ARHGEF37: variants seen among roughly 807,000 people sequenced by gnomAD.
ARHGEF37 encodes Rho guanine nucleotide exchange factor (GEF) 37.
A neutral mutation model predicts 71.1 loss-of-function variants in ARHGEF37; 55 were observed. That is an observed-to-expected ratio of 0.77 (90% CI 0.62 to 0.97). ARHGEF37 has a LOEUF of 0.97. Among genes scored for constraint, ARHGEF37 ranks in the 50% least tolerant of loss-of-function variants. ARHGEF37 has a pLI of 0.00. For synonymous variants in ARHGEF37, 327 were observed against 350.6 expected (o/e 0.93, Z 0.75); for missense variants, 765 against 836.8 (o/e 0.91, Z 1.06).
chr5:149,631,311 C>T (rs184576097), intron 12 of ARHGEF37, among the ~76,000 whole-genome samples: 4 of 151,930 alleles, frequency 2.6e-5, no homozygotes, highest in African/African-American at 9.7e-5. Flanking sequence ...GCTGGGATTA[C>T]AGGTGTGCGC....
intron 4 of ARHGEF37, among the ~76,000 whole-genome samples, chr5:149,614,861 G>A (rs1752330330): frequency 6.6e-6 from 1 of 152,194 alleles, no homozygotes. Flanking sequence ...AGAGGCACGA[G>A]TATCATCAGG....
At chr5:149,555,477 T>A (rs1421293426) in intron 1 of ARHGEF37, among the ~76,000 whole-genome samples, 1 of 151,860 alleles carries the variant, frequency 6.6e-6, no homozygotes. Flanking sequence ...GCTAATTTTT[T>A]TTTTTTTTTT....
At chr5:149,611,111 G>A (rs1403371753) in intron 4 of ARHGEF37, among the ~76,000 whole-genome samples, 3 of 152,146 alleles carry the variant, frequency 2.0e-5, no homozygotes, top group East Asian at 1.9e-4. Context: ...TCACATCATG[G>A]TCTCATGGTT....
At chr5:149,622,713 G>A (rs539751054) in intron 9 of ARHGEF37, among the ~76,000 whole-genome samples, 4 of 152,264 alleles carry the variant, frequency 2.6e-5, no homozygotes, top group South Asian at 2.1e-4. Flanking sequence ...AGGAGCTACC[G>A]GCTGAAAGCA....
intron 7 of ARHGEF37, among the ~76,000 whole-genome samples, 184 bp from the exon 8 acceptor site, chr5:149,620,170 C>T (rs1486436067): frequency 6.6e-6 from 1 of 152,148 alleles, no homozygotes; most frequent in African/African-American, 2.4e-5. Context: ...GATGTTGACT[C>T]AGTCTAAGGC....
chr5:149,558,220 G>A (rs1301503219), intron 1 of ARHGEF37, among the ~76,000 whole-genome samples: 1 of 151,964 alleles, frequency 6.6e-6, no homozygotes, highest in East Asian at 1.9e-4. Context: ...ATAGAGACAG[G>A]GACTGACCGG....
intron 1 of ARHGEF37, among the ~76,000 whole-genome samples, chr5:149,590,493 G>T (rs1014398485): frequency 2.4e-4 from 36 of 151,932 alleles, no homozygotes; most frequent in Non-Finnish European, 4.4e-5. Context: ...TGTTGGTCAG[G>T]CTGGTCTCGA....
intron 4 of ARHGEF37, among the ~76,000 whole-genome samples, chr5:149,611,457 T>C (rs796120232): frequency 6.6e-6 from 1 of 152,354 alleles, no homozygotes; most frequent in African/African-American, 2.4e-5. Flanking sequence ...TAATAAACAC[T>C]GTGTGTGGGA....
intron 1 of ARHGEF37, among the ~76,000 whole-genome samples, chr5:149,576,037 G>A (rs577843595): frequency 1.3e-5 from 2 of 152,322 alleles, no homozygotes; most frequent in African/African-American, 4.8e-5. Flanking sequence ...CCTGAAGTCA[G>A]GAGTTCCAGA....
At chr5:149,606,716 G>C (rs1243195376) in intron 3 of ARHGEF37, 1 of 152,116 alleles carries the variant, frequency 6.6e-6, no homozygotes, top group African/African-American at 2.4e-5. Context: ...TCCAACTTTA[G>C]CGTATATGAT....
intron 1 of ARHGEF37, among the ~76,000 whole-genome samples, chr5:149,593,401 C>T (rs1289593448): frequency 6.6e-6 from 1 of 152,208 alleles, no homozygotes; most frequent in Non-Finnish European, 1.5e-5. Flanking sequence ...CTGGTCATTT[C>T]ATATAAATGC....
At chr5:149,602,682 A>G (rs1561797026) in intron 3 of ARHGEF37, among the ~76,000 whole-genome samples, 1 of 152,022 alleles carries the variant, frequency 6.6e-6, no homozygotes, top group South Asian at 2.1e-4. Context: ...AGTGGGTCCA[A>G]ACCTCATACC....
intron 1 of ARHGEF37, among the ~76,000 whole-genome samples, chr5:149,569,749 C>A (rs1479707993): frequency 6.6e-6 from 1 of 151,920 alleles, no homozygotes; most frequent in Non-Finnish European, 1.5e-5. Context: ...CCTACCTGAG[C>A]AGCTGGGATT....
At chr5:149,622,161 T>C (rs1311337885) in intron 9 of ARHGEF37, 99 bp downstream of exon 9, 1 of 1,270,424 alleles carries the variant, frequency 7.9e-7, no homozygotes, top group Non-Finnish European at 1.1e-6. Flanking sequence ...GGAGGGAGGA[T>C]GGGCCTGAAA....
At chr5:149,617,745 C>G (rs1007317089) in intron 5 of ARHGEF37, among the ~76,000 whole-genome samples, 2 of 152,196 alleles carry the variant, frequency 1.3e-5, no homozygotes, top group Non-Finnish European at 2.9e-5. Context: ...CTCCATCCTA[C>G]GACAGATCAG....
chr5:149,626,035 C>A (rs1752674000), intron 10 of ARHGEF37, among the ~76,000 whole-genome samples: 1 of 152,208 alleles, frequency 6.6e-6, no homozygotes, highest in African/African-American at 2.4e-5. Flanking sequence ...CACCACTGTT[C>A]TCAAAGAAAA....
intron 5 of ARHGEF37, among the ~76,000 whole-genome samples, chr5:149,617,040 A>G (rs553225839): frequency 2.8e-4 from 42 of 152,262 alleles, no homozygotes; most frequent in Non-Finnish European, 4.9e-4. Context: ...TCACAGCTGC[A>G]CACCACACTT....
chr5:149,590,328 C>T (rs112743118), intron 1 of ARHGEF37, among the ~76,000 whole-genome samples: 2,898 of 148,496 alleles, frequency 0.02, 42 homozygotes, highest in Non-Finnish European at 0.028. Context: ...GTTGCCCAGG[C>T]TGGAGTGCAG....
intron 1 of ARHGEF37, among the ~76,000 whole-genome samples, chr5:149,584,100 C>T (rs905892976): frequency 6.6e-6 from 1 of 152,010 alleles, no homozygotes; most frequent in African/African-American, 2.4e-5. Context: ...TTCTTAATTC[C>T]CTAATACTGG....
Sources: allele counts gnomAD v4.1 joint callset (sites outside exome capture counted in the v4.1 genomes callset), GRCh38; gene constraint gnomAD v4.1.1; transcripts MANE v1.5; gene names NCBI Gene and HGNC (gene_info 2026-07-23, HGNC 2026-07-21).